Variants in CPA6 observed in about 807,000 individuals in gnomAD.
CPA6 encodes the protein carboxypeptidase A6.
A neutral mutation model predicts 63.3 loss-of-function variants in CPA6; 58 were observed. The observed-to-expected ratio is 0.92, with a 90% CI of 0.74 to 1.14. The LOEUF is 1.14. Among genes scored for constraint, CPA6 ranks in the 50% most tolerant of loss-of-function variants. The pLI is 0.00. For missense variants in CPA6, 565 were observed against 526.6 expected, an observed-to-expected ratio of 1.07 and a Z score of -0.71; for synonymous variants, 185 against 179.0, an observed-to-expected ratio of 1.03 and a Z score of -0.27.
chr8:67,443,443 T>C (rs992961562), intron 8 of CPA6, among the ~76,000 whole-genome samples: 2 of 152,230 alleles, frequency 1.3e-5, no homozygotes, highest in African/African-American at 2.4e-5. Context: ...TAATCCTAAG[T>C]TGATGCCTGC....
At chr8:67,427,521 G>A (rs975117064) in intron 10 of CPA6, among the ~76,000 whole-genome samples, 2 of 152,114 alleles carry the variant, frequency 1.3e-5, no homozygotes, top group Non-Finnish European at 2.9e-5. Flanking sequence ...GGAGATGAGG[G>A]GGGGTTGGAA....
At chr8:67,647,272 C>T (rs904735557) in intron 1 of CPA6, among the ~76,000 whole-genome samples, 8 of 151,856 alleles carry the variant, frequency 5.3e-5, no homozygotes, top group African/African-American at 1.9e-4. Context: ...CAGCAAATAT[C>T]AAGCTCCTTT....
At chr8:67,733,208 AAAAAAAAAAAAAAAAAT>A (rs776115861) in intron 1 of CPA6, among the ~76,000 whole-genome samples, 4,810 of 137,404 alleles carry the variant, frequency 0.035, 178 homozygotes, top group Non-Finnish European at 0.055. Context: ...AAAAAAAAAA[AAAAAAAAAAAAAAAAAT>A]AAAAAAATTT....
chr8:67,609,592 C>A (rs1364493006), intron 2 of CPA6, among the ~76,000 whole-genome samples: 2 of 152,148 alleles, frequency 1.3e-5, no homozygotes, highest in African/African-American at 2.4e-5. Context: ...AATTAGGTAA[C>A]CCCGAGAGAT....
At chr8:67,640,238 C>T (rs1047833201) in intron 1 of CPA6, among the ~76,000 whole-genome samples, 4 of 151,264 alleles carry the variant, frequency 2.6e-5, no homozygotes, top group Admixed American at 1.3e-4. Flanking sequence ...CCCCTTCTGC[C>T]CAGGAGCCTG....
At chr8:67,656,870 G>T (rs764314004) in intron 1 of CPA6, among the ~76,000 whole-genome samples, 8 of 152,164 alleles carry the variant, frequency 5.3e-5, no homozygotes, top group Admixed American at 1.3e-4. Flanking sequence ...TGTCACTGGG[G>T]CTAGGCCTTT....
chr8:67,429,159 C>T (rs952318020), intron 9 of CPA6, among the ~76,000 whole-genome samples: 8 of 152,056 alleles, frequency 5.3e-5, no homozygotes, highest in East Asian at 1.9e-4. Context: ...ACAGGTACTG[C>T]GAAGAGGTAG....
intron 1 of CPA6, among the ~76,000 whole-genome samples, chr8:67,738,517 G>A (rs774287186): frequency 4.6e-5 from 7 of 151,982 alleles, no homozygotes; most frequent in East Asian, 3.9e-4. Context: ...AGGATTCTTC[G>A]TCATAGCAAA....
intron 4 of CPA6, among the ~76,000 whole-genome samples, chr8:67,510,401 G>GAT (rs1019892903): frequency 7.8e-6 from 1 of 128,142 alleles, no homozygotes; most frequent in Admixed American, 7.4e-5. Flanking sequence ...TAATGAGCAG[G>GAT]ATATATGTGT....
intron 1 of CPA6, among the ~76,000 whole-genome samples, chr8:67,698,699 A>G (rs1198541694): frequency 6.6e-6 from 1 of 152,208 alleles, no homozygotes; most frequent in Non-Finnish European, 1.5e-5. Context: ...TGGATTTATA[A>G]GATCCTTGAG....
chr8:67,537,526 G>A (rs1429542326), intron 2 of CPA6, among the ~76,000 whole-genome samples: 1 of 152,108 alleles, frequency 6.6e-6, no homozygotes, highest in Non-Finnish European at 1.5e-5. Flanking sequence ...ATTTGTGTGG[G>A]ATCAGTGGTG....
intron 2 of CPA6, among the ~76,000 whole-genome samples, chr8:67,530,727 A>G (rs1812459977): frequency 1.3e-5 from 2 of 152,198 alleles, no homozygotes; most frequent in African/African-American, 2.4e-5. Context: ...TTTGGGGCCC[A>G]AAGTTGGTAG....
chr8:67,607,251 T>TCTTCTTCTC lies in CPA6; in HGVS notation c.192+16924_192+16925insGAGAAGAAG, dbSNP rs1554679725. Among the ~76,000 whole-genome samples the TCTTCTTCTC allele has an allele frequency of 7.4e-4, 60 of 81,098 alleles. 1 individual carries two copies. Among genetic ancestry groups the TCTTCTTCTC allele is most frequent in the African/African-American group, 1.2e-3 (19 of 15,346 alleles). 53.2% of individuals were successfully genotyped at this position (81,098 alleles called of 152,430 possible). On this transcript the variant is annotated intron_variant, in intron 2 of 10. Transcript: ENST00000297770. Reference sequence around the variant, plus strand: ...TTCTTCTTCTTCTTCTTCTTCTTCTTCTCCTCCTCCTCCTTTCTTCTTTCT... The same window carrying TCTTCTTCTC: ...TTCTTCTTCTTCTTCTTCTTCTTCTTCTTCTTCTCCTCCTCCTCCTCCTTTCTTCTTTCT...
chr8:67,642,988 A>T (rs1030570299), intron 1 of CPA6, among the ~76,000 whole-genome samples: 1 of 152,242 alleles, frequency 6.6e-6, no homozygotes, highest in East Asian at 1.9e-4. Flanking sequence ...GGAACTTTTC[A>T]TGAAAATATT....
At chr8:67,527,743 T>C (rs781434315) in intron 2 of CPA6, among the ~76,000 whole-genome samples, 17 of 152,358 alleles carry the variant, frequency 1.1e-4, no homozygotes, top group Admixed American at 2.0e-4. Flanking sequence ...CAGATAACTA[T>C]TCCATTTTTA....
intron 1 of CPA6, among the ~76,000 whole-genome samples, chr8:67,672,230 C>T (rs1318121095): frequency 1.3e-5 from 2 of 152,140 alleles, no homozygotes; most frequent in African/African-American, 4.8e-5. Context: ...TTTAAAAATA[C>T]ATCACAATTT....
intron 8 of CPA6, among the ~76,000 whole-genome samples, chr8:67,446,896 A>AGT (rs1165179447): frequency 6.6e-6 from 1 of 152,170 alleles, no homozygotes; most frequent in East Asian, 1.9e-4. Flanking sequence ...ACTGGTGTGC[A>AGT]GTGTGTGTGT....
intron 8 of CPA6, 74 bp downstream of exon 8, chr8:67,483,694 C>G: frequency 8.2e-7 from 1 of 1,219,144 alleles, no homozygotes; most frequent in Admixed American, 1.7e-5. Flanking sequence ...CATGAGAGTC[C>G]TCTGGACTCA....
chr8:67,516,562 A>G (rs750430800), intron 3 of CPA6, among the ~76,000 whole-genome samples: 4 of 152,192 alleles, frequency 2.6e-5, no homozygotes, highest in Non-Finnish European at 2.9e-5. Context: ...AAGAACAGGA[A>G]TGGACTCTGC....
Sources: gnomAD v4.1 joint callset for allele counts (sites outside exome capture counted in the v4.1 genomes callset) on GRCh38, gnomAD v4.1.1 for gene constraint, MANE v1.5 for transcripts, NCBI Gene and HGNC (gene_info 2026-07-23, HGNC 2026-07-21) for gene names.